The following PECAM1 variants were observed in gnomAD, a reference collection of about 807,000 sequenced individuals.
PECAM1 encodes the protein platelet and endothelial cell adhesion molecule 1.
In PECAM1, 8 loss-of-function variants were observed where a neutral mutation model predicts 13.8. The observed-to-expected ratio is 0.58, with a 90% CI of 0.34 to 1.05. The LOEUF is 1.05. PECAM1 is among the 50% of genes least tolerant of loss of function. The pLI, the probability that PECAM1 is intolerant of heterozygous loss-of-function variation, is 0.03. For missense variants in PECAM1, 304 were observed against 141.2 expected (o/e 2.15, Z -5.84); for synonymous variants, 136 against 52.6 (o/e 2.58, Z -6.86).
chr17:64,352,433 G>C lies in PECAM1; in HGVS notation c.1947C>G (p.Asn649Lys). The C allele has an allele frequency of 2.1e-6, 1 of 475,098 alleles. No individual in the cohort carries two copies. The highest frequency in any genetic ancestry group is 2.0e-5 in the African/African-American group (1 of 50,588). The allele number at this position is 475,098 out of a possible 1,614,324, so 29.4% of individuals were successfully genotyped here. A position where few individuals can be genotyped will look rare whatever the true frequency, so the allele number is the denominator to read the frequency against. ...CCATATTGGGATCTGACATTTTCTCGTTGTTGGAGTTCAGAAGTGGTACTG... is the reference window on the plus strand; with the variant it reads ...CCATATTGGGATCTGACATTTTCTCCTTGTTGGAGTTCAGAAGTGGTACTG... ...RPAVPLLNSN[N>K]EKMSDPNMEA... The change falls in exon 11 of 16, where the codon AAC becomes AAG. Residue 649 changes from asparagine to lysine, a missense_variant. Coordinates refer to ENST00000563924, the MANE Select transcript of PECAM1 (RefSeq NM_000442.5).
chr17:64,362,814 A>G (rs1411252835), intron 6 of PECAM1, among the ~76,000 whole-genome samples: 2 of 148,890 alleles, frequency 1.3e-5, no homozygotes, highest in African/African-American at 4.9e-5. Flanking sequence ...GTGCCACTGC[A>G]CTCTAGCCTG....
intron 2 of PECAM1, among the ~76,000 whole-genome samples, chr17:64,382,828 G>A (rs1219678592): frequency 1.3e-5 from 2 of 151,954 alleles, no homozygotes; most frequent in Non-Finnish European, 2.9e-5. Flanking sequence ...CTTGAGGTCA[G>A]GAGTTCGAGA....
intron 14 of PECAM1, among the ~76,000 whole-genome samples, chr17:64,330,819 A>G (rs956909740): frequency 2.6e-5 from 4 of 151,794 alleles, no homozygotes; most frequent in Non-Finnish European, 4.4e-5. Context: ...AGTTATAATT[A>G]TACAGTATAT....
chr17:64,386,250 C>G (rs1288472204), intron 2 of PECAM1, among the ~76,000 whole-genome samples: 5 of 151,736 alleles, frequency 3.3e-5, no homozygotes, highest in Non-Finnish European at 7.4e-5. Context: ...ACTAAAAATA[C>G]AAAAATTAGC....
chr17:64,322,533 A>G lies in PECAM1; in HGVS notation c.*1283T>C. ...AGAGCAAAGGTCAAATTTATTTAATACAACATCCACGAGGGTCCCTGCAGC... is the reference window on the plus strand; with the variant it reads ...AGAGCAAAGGTCAAATTTATTTAATGCAACATCCACGAGGGTCCCTGCAGC... On this transcript the variant is annotated 3_prime_UTR_variant, in exon 16 of 16. Coordinates refer to ENST00000563924, the MANE Select transcript of PECAM1 (RefSeq NM_000442.5). 1 of 985,424 alleles carries G rather than the reference A, an allele frequency of 1.0e-6. No homozygotes were observed. The allele number at this position is 985,424 out of a possible 1,614,324, so 61.0% of individuals were successfully genotyped here. A position where few individuals can be genotyped will look rare whatever the true frequency, so the allele number is the denominator to read the frequency against.
At chr17:64,362,603 G>A (rs1294829773) in intron 6 of PECAM1, among the ~76,000 whole-genome samples, 1 of 152,084 alleles carries the variant, frequency 6.6e-6, no homozygotes, top group Non-Finnish European at 1.5e-5. Context: ...AGTGAGCCCA[G>A]ATTGTGCCAC....
chr17:64,386,739 C>T (rs1472711457), intron 2 of PECAM1, among the ~76,000 whole-genome samples: 1 of 152,064 alleles, frequency 6.6e-6, no homozygotes, highest in Admixed American at 6.6e-5. Context: ...TGAGACCAGC[C>T]TGGGCAACAA....
At chr17:64,374,023 A>C (rs1364640055) in intron 4 of PECAM1, among the ~76,000 whole-genome samples, 1 of 152,190 alleles carries the variant, frequency 6.6e-6, no homozygotes, top group African/African-American at 2.4e-5. Flanking sequence ...TGTTTGTCCA[A>C]CGCAAATCTA....
At chr17:64,375,888 A>G (rs2143868979) in intron 3 of PECAM1, among the ~76,000 whole-genome samples, 1 of 152,160 alleles carries the variant, frequency 6.6e-6, no homozygotes, top group African/African-American at 2.4e-5. Flanking sequence ...GCTATGAGGA[A>G]ACAAAGGCAT....
In PECAM1 at chr17:64,353,966, G is replaced by T. The variant is rs2035792281; in HGVS notation, c.1889-448C>A. Among the ~76,000 whole-genome samples the T allele has an allele frequency of 2.1e-5, 3 of 145,066 alleles. 1 individual carries two copies. Among genetic ancestry groups the T allele is most frequent in the Middle Eastern group, 7.2e-3 (2 of 278 alleles). ...TTTTTTTTTTTTTTTTTGAGACAGA[G>T]TCTTGCTCTGTTGCCCAGGCTGGAG... is the stretch of plus-strand genomic sequence containing the variant. On this transcript the variant is annotated intron_variant, in intron 9 of 15. Coordinates refer to ENST00000563924, the MANE Select transcript of PECAM1 (RefSeq NM_000442.5).
At position 64,356,207 on chromosome 17, in the gene PECAM1, C is replaced by A. The variant is rs2143794296; in HGVS notation, c.1684G>T (p.Ala562Ser). 8.4e-6 allele frequency: 4 copies of A among 474,862 alleles called. No homozygotes were observed. The East Asian group carries it at 1.3e-4, about 15-fold the overall frequency. The allele number at this position is 474,862 out of a possible 1,614,324, so 29.4% of individuals were successfully genotyped here. ...TACTCTCCCTCCTGTTCCTTGCTAG[C>A]CTTCTGCTTGGTCCAAAATGCCTGG... ...ATQAFWTKQK[A>S]SKEQEGEYYC... is the part of the protein sequence containing the mutation. Residue 562 changes from alanine (A) to serine (S), a missense_variant, in exon 8 of 16, where the codon GCT (alanine) becomes TCT (serine). Ala to Ser is a moderately conservative substitution (Grantham distance 99). Transcript: ENST00000563924.
intron 7 of PECAM1, among the ~76,000 whole-genome samples, chr17:64,358,587 A>G (rs2035901153): frequency 6.6e-6 from 1 of 152,060 alleles, no homozygotes; most frequent in Non-Finnish European, 1.5e-5. Flanking sequence ...ACATACCCTA[A>G]ATTACTATCA....
At chr17:64,327,101 T>C (rs1282132389) in intron 15 of PECAM1, among the ~76,000 whole-genome samples, 6 of 152,250 alleles carry the variant, frequency 3.9e-5, no homozygotes, top group Non-Finnish European at 8.8e-5. Context: ...AGTGTTAATG[T>C]GGGTCTCTGA....
intron 6 of PECAM1, 103 bp downstream of exon 6, chr17:64,363,046 C>A: frequency 2.1e-6 from 1 of 468,660 alleles, no homozygotes; most frequent in Non-Finnish European, 3.9e-6. Flanking sequence ...TAGTTCTTAC[C>A]CTGCCTGAGT....
intron 5 of PECAM1, among the ~76,000 whole-genome samples, chr17:64,369,240 T>C (rs1272469106): frequency 6.6e-6 from 1 of 152,130 alleles, no homozygotes; most frequent in Admixed American, 6.6e-5. Context: ...AGCCATGTTA[T>C]CATTATTTTT....
At chr17:64,352,220 G>A (rs1024278619) in intron 11 of PECAM1, among the ~76,000 whole-genome samples, 170 bp downstream of exon 11, 3 of 152,070 alleles carry the variant, frequency 2.0e-5, no homozygotes, top group African/African-American at 4.8e-5. Context: ...TTCCTTTTAC[G>A]TTTCCGTATA....
At chr17:64,352,605 C>G (rs1188172495) in intron 10 of PECAM1, 142 bp from the exon 11 acceptor site, 2 of 388,502 alleles carry the variant, frequency 5.1e-6, no homozygotes, top group Non-Finnish European at 9.1e-6. Context: ...AAACTTTACT[C>G]TCTCATTTGG....
rs977556035 is a variant in PECAM1 at position 64,335,082 on chromosome 17, G to A, written c.2165-5360C>T. ...GTTAGAAATGCACGTTTTCGGCACCGCTCCAGACCTAGTGAATGGGAAATT... is the reference window on the plus strand; with the variant it reads ...GTTAGAAATGCACGTTTTCGGCACCACTCCAGACCTAGTGAATGGGAAATT... On this transcript the variant is annotated intron_variant, in intron 14 of 15. Coordinates refer to ENST00000563924, the MANE Select transcript of PECAM1 (RefSeq NM_000442.5). Among the ~76,000 whole-genome samples, 19 of 152,070 alleles carry A rather than the reference G, an allele frequency of 1.2e-4. No homozygotes were observed. In the East Asian group the frequency reaches 1.9e-3, roughly 16 times the overall value.
chr17:64,385,593 C>T (rs1249143328), intron 2 of PECAM1, among the ~76,000 whole-genome samples: 3 of 152,198 alleles, frequency 2.0e-5, no homozygotes, highest in Non-Finnish European at 1.5e-5. Flanking sequence ...GTGTCGAGAA[C>T]CTGTGCCAGG....
Sources: allele counts gnomAD v4.1 joint callset (sites outside exome capture counted in the v4.1 genomes callset), GRCh38; gene constraint gnomAD v4.1.1; transcripts MANE v1.5; gene names NCBI Gene and HGNC (gene_info 2026-07-23, HGNC 2026-07-21).